The following KANK4 variants were observed in gnomAD, a reference collection of about 807,000 sequenced individuals.
The protein encoded by KANK4 is KN motif and ankyrin repeat domain-containing protein 4.
KANK4 carries 50 observed loss-of-function variants against 80.8 expected under a neutral mutation model. The observed-to-expected ratio is 0.62, with a 90% CI of 0.49 to 0.78. The LOEUF is 0.78. Ranked by LOEUF, KANK4 falls within the 30% of genes least tolerant of loss-of-function variation. KANK4 has a pLI of 0.00. For missense variants in KANK4, 1,196 were observed against 1,240.1 expected, an observed-to-expected ratio of 0.96 and a Z score of 0.53; for synonymous variants, 465 against 506.9, an observed-to-expected ratio of 0.92 and a Z score of 1.11.
intron 1 of KANK4, among the ~76,000 whole-genome samples, chr1:62,291,285 T>C (rs904740534): frequency 6.6e-6 from 1 of 152,228 alleles, no homozygotes; most frequent in Non-Finnish European, 1.5e-5. Context: ...GGCTTGTTTG[T>C]TCGTTGTTGC....
chr1:62,259,650 A>T (rs1029335512), intron 7 of KANK4, among the ~76,000 whole-genome samples: 5 of 151,854 alleles, frequency 3.3e-5, no homozygotes, highest in Admixed American at 2.0e-4. Context: ...ACTTTTCTGA[A>T]TGTCACTTTC....
chr1:62,267,334 C>T (rs1490326466), intron 5 of KANK4, among the ~76,000 whole-genome samples: 3 of 152,186 alleles, frequency 2.0e-5, no homozygotes, highest in Non-Finnish European at 4.4e-5. Flanking sequence ...CAGTGACAAG[C>T]ACTCTTCCTG....
chr1:62,243,296 C>G (rs1671387793), intron 9 of KANK4, among the ~76,000 whole-genome samples: 2 of 152,052 alleles, frequency 1.3e-5, no homozygotes, highest in South Asian at 4.1e-4. Flanking sequence ...TTTGCCTAAA[C>G]CAGGCATTCT....
At chr1:62,290,708 C>A (rs59349044) in intron 1 of KANK4, among the ~76,000 whole-genome samples, 2 of 151,618 alleles carry the variant, frequency 1.3e-5, no homozygotes, top group African/African-American at 4.8e-5. Context: ...TAGATGGATG[C>A]ATGGGTGGAT....
intron 9 of KANK4, among the ~76,000 whole-genome samples, chr1:62,246,759 G>C (rs1347172993): frequency 6.6e-6 from 1 of 150,742 alleles, no homozygotes; most frequent in Non-Finnish European, 1.5e-5. Context: ...CACCATACCT[G>C]GTTAATTTTT....
At chr1:62,305,070 T>C (rs1474207043) in intron 1 of KANK4, among the ~76,000 whole-genome samples, 4 of 150,480 alleles carry the variant, frequency 2.7e-5, no homozygotes, top group Admixed American at 1.3e-4. Flanking sequence ...AGGAAGGAGG[T>C]GTCACTTGCA....
chr1:62,304,859 G>A (rs922798020), intron 1 of KANK4, among the ~76,000 whole-genome samples: 3 of 152,030 alleles, frequency 2.0e-5, no homozygotes, highest in South Asian at 4.1e-4. Flanking sequence ...TGAGTTTAAG[G>A]CATATCACAA....
intron 2 of KANK4, 99 bp downstream of exon 2, chr1:62,281,450 T>C (rs1672448902): frequency 9.2e-6 from 13 of 1,417,202 alleles, no homozygotes; most frequent in Admixed American, 1.7e-5. Flanking sequence ...GGATATCTCC[T>C]GCAGGCCTTT....
At chr1:62,287,187 C>G (rs1274779556) in intron 1 of KANK4, among the ~76,000 whole-genome samples, 2 of 152,166 alleles carry the variant, frequency 1.3e-5, no homozygotes, top group Non-Finnish European at 2.9e-5. Context: ...GGTGCAGGCA[C>G]CAGACTCTAC....
rs1392802559 is a variant in KANK4, at chr1:62,236,238, T to C, written c.*2039A>G. ...TTGCTACTCAAAGTGTGGTTGTGGC[T>C]CGATAGCATCAGCATCTCCCAGGAC... is the stretch of plus-strand genomic sequence containing the variant. On this transcript the variant is annotated 3_prime_UTR_variant, in exon 10 of 10. Transcript: ENST00000371153. Among the ~76,000 whole-genome samples, 1 of 152,152 alleles carries C rather than the reference T, an allele frequency of 6.6e-6. No homozygotes were observed. The highest frequency in any genetic ancestry group is 2.4e-5 in the African/African-American group (1 of 41,444).
intron 8 of KANK4, among the ~76,000 whole-genome samples, chr1:62,252,526 G>A (rs752870208): frequency 3.1e-4 from 47 of 152,262 alleles, no homozygotes; most frequent in Non-Finnish European, 4.8e-4. Flanking sequence ...GGCCTGGAAA[G>A]TGGGAATCCT....
intron 1 of KANK4, among the ~76,000 whole-genome samples, chr1:62,312,114 A>G (rs1644502427): frequency 6.6e-6 from 1 of 152,170 alleles, no homozygotes; most frequent in Non-Finnish European, 1.5e-5. Flanking sequence ...AAAACCAATA[A>G]TATTGAAATA....
rs139910511 is a variant in KANK4 at position 62,311,112 on chromosome 1, C to T, written c.-71+7994G>A. On this transcript the variant is annotated intron_variant, in intron 1 of 9. Transcript: ENST00000371153. ...ATGAGGATGGATAGTAAGCACTTTC[C>T]TACCAAAAGAATATGGCAGCCAGAG... is the stretch of plus-strand genomic sequence containing the variant. 1.8e-3 allele frequency among the ~76,000 whole-genome samples: 267 copies of T among 152,166 alleles called. 2 individuals carry two copies. The highest frequency in any genetic ancestry group is 6.2e-3 in the African/African-American group (258 of 41,534).
At chr1:62,301,693 G>A (rs12079207) in intron 1 of KANK4, among the ~76,000 whole-genome samples, 34,608 of 151,792 alleles carry the variant, frequency 0.23, 4,310 homozygotes, top group Middle Eastern at 0.35. Context: ...TAGCTAACAC[G>A]AGAAAAAAAC....
chr1:62,310,460 C>G (rs1644489420), intron 1 of KANK4, among the ~76,000 whole-genome samples: 2 of 151,630 alleles, frequency 1.3e-5, no homozygotes, highest in Admixed American at 1.3e-4. Flanking sequence ...TGACGGAGAC[C>G]AGAAAAGGGG....
intron 7 of KANK4, among the ~76,000 whole-genome samples, chr1:62,261,352 GT>G (rs1488108106): frequency 1.3e-5 from 2 of 151,866 alleles, no homozygotes; most frequent in African/African-American, 4.8e-5. Context: ...TAGAGAGAGG[GT>G]TTCCCCATGT....
Position 62,236,593 on chromosome 1 carries a change from ATTTTTT to A in KANK4, c.*1678_*1683del, listed in dbSNP as rs11449212. ...ATGGCCTTAATGGGTTACAAATTGG[ATTTTTT>A]TTTTTTTTTTTTTTGAGACAGAGTT... On this transcript the variant is annotated 3_prime_UTR_variant, in exon 10 of 10. Transcript: ENST00000371153. 8.0e-6 allele frequency among the ~76,000 whole-genome samples: 1 copy of A among 124,414 alleles called. No individual in the cohort carries two copies. The allele number at this position is 124,414 out of a possible 152,430, so 81.6% of individuals were successfully genotyped here.
Position 62,274,880 on chromosome 1 carries a change from A to G in KANK4, c.224T>C (p.Leu75Pro). 6.2e-7 allele frequency: 1 copy of G among 1,614,146 alleles called. No homozygotes were observed. Residue 75 changes from leucine (L) to proline (P), a missense_variant, in exon 3 of 10, where the codon CTT (leucine) becomes CCT (proline). Leu to Pro is a moderately conservative substitution (Grantham distance 98). Around this residue, in one of 3 missense-constraint regions of KANK4, gnomAD observed 1,154 missense variants for 1,179.6 expected, o/e 0.98. Transcript: ENST00000371153. ...AGGGGGGCGAGCCCCACTGTCAGGA[A>G]GGCTGAAGTTTCGGGGCAGAGTGCT... is the stretch of plus-strand genomic sequence containing the variant. ...KFSTLPRNFS[L>P]PDSGARPPAA...
intron 9 of KANK4, among the ~76,000 whole-genome samples, chr1:62,245,033 C>G (rs1465017836): frequency 6.6e-6 from 1 of 152,204 alleles, no homozygotes. Flanking sequence ...CCTAGCTAAC[C>G]AGGGACTTCC....
Sources: allele counts gnomAD v4.1 joint callset (sites outside exome capture counted in the v4.1 genomes callset), GRCh38; gene constraint gnomAD v4.1.1; regional missense constraint gnomAD v4.1.1; transcripts MANE v1.5; gene names NCBI Gene and HGNC (gene_info 2026-07-23, HGNC 2026-07-21).